The following TENM4 variants were observed in gnomAD, a reference collection of about 807,000 sequenced individuals.
TENM4 encodes the protein teneurin transmembrane protein 4.
In TENM4, 82 loss-of-function variants were observed where a neutral mutation model predicts 243.3. The observed-to-expected ratio is 0.34, with a 90% CI of 0.28 to 0.40. The LOEUF is 0.40. Ranked by LOEUF, TENM4 falls within the 10% of genes least tolerant of loss-of-function variation. The pLI is 1.00. For synonymous variants in TENM4, 1,412 were observed against 1,456.3 expected (o/e 0.97, Z 0.69); for missense variants, 3,138 against 3,673.3 (o/e 0.85, Z 3.77).
chr11:79,424,400 G>A (rs1286256044), intron 1 of TENM4, among the ~76,000 whole-genome samples: 1 of 152,114 alleles, frequency 6.6e-6, no homozygotes, highest in African/African-American at 2.4e-5. Flanking sequence ...TCATGAGTTC[G>A]AGACCAGCCT....
intron 12 of TENM4, among the ~76,000 whole-genome samples, chr11:78,839,687 A>G (rs1858206239): frequency 1.3e-5 from 2 of 152,190 alleles, no homozygotes; most frequent in Admixed American, 1.3e-4. Flanking sequence ...TTATTTTATT[A>G]GTGATTTTAA....
chr11:78,855,675 T>C (rs749877347), intron 11 of TENM4, among the ~76,000 whole-genome samples: 5 of 152,218 alleles, frequency 3.3e-5, no homozygotes, highest in Non-Finnish European at 4.4e-5. Flanking sequence ...CTAAACTGCA[T>C]GCTTTTTTCT....
At chr11:78,707,258 T>G (rs1344977194) in intron 27 of TENM4, among the ~76,000 whole-genome samples, 1 of 152,222 alleles carries the variant, frequency 6.6e-6, no homozygotes, top group Non-Finnish European at 1.5e-5. Flanking sequence ...TTGGTAATGT[T>G]GGCAAGATTC....
chr11:78,854,390 G>A, intron 11 of TENM4, 76 bp from the exon 12 acceptor site: 1 of 1,344,718 alleles, frequency 7.4e-7, no homozygotes, highest in Non-Finnish European at 9.8e-7. Context: ...GGCTTCTCCT[G>A]GAGAGGACAT....
intron 1 of TENM4, among the ~76,000 whole-genome samples, chr11:79,382,417 T>C (rs576879165): frequency 1.3e-5 from 2 of 152,320 alleles, no homozygotes; most frequent in African/African-American, 4.8e-5. Context: ...CTCCTACTTA[T>C]GTACATGCCA....
intron 5 of TENM4, chr11:79,068,003 G>A (rs1046569030): frequency 6.6e-6 from 1 of 152,222 alleles, no homozygotes; most frequent in Non-Finnish European, 1.5e-5. Context: ...CCTATGAGAT[G>A]AGAATGCTTA....
chr11:79,214,964 T>G (rs896212985), intron 3 of TENM4, among the ~76,000 whole-genome samples: 1 of 152,236 alleles, frequency 6.6e-6, no homozygotes, highest in Non-Finnish European at 1.5e-5. Flanking sequence ...TGGAGTTAAT[T>G]TATTACTGCA....
chr11:79,022,286 T>C (rs983683276), intron 6 of TENM4, among the ~76,000 whole-genome samples: 2 of 152,182 alleles, frequency 1.3e-5, no homozygotes, highest in Admixed American at 1.3e-4. Context: ...AGAGGCCCAA[T>C]AGTCGACACA....
At chr11:78,886,903 C>T (rs1855559428) in intron 9 of TENM4, among the ~76,000 whole-genome samples, 2 of 152,352 alleles carry the variant, frequency 1.3e-5, no homozygotes, top group East Asian at 1.9e-4. Context: ...AATTGACCTT[C>T]CATCCACCTC....
At chr11:79,134,919 T>C (rs1281790054) in intron 4 of TENM4, among the ~76,000 whole-genome samples, 2 of 152,216 alleles carry the variant, frequency 1.3e-5, no homozygotes, top group East Asian at 1.9e-4. Flanking sequence ...AAAACCCTTC[T>C]AGAAATTGGC....
At chr11:79,151,039 T>C (rs1460127062) in intron 3 of TENM4, among the ~76,000 whole-genome samples, 6 of 152,156 alleles carry the variant, frequency 3.9e-5, no homozygotes, top group Admixed American at 6.6e-5. Context: ...CCGCAGTCCA[T>C]CCAATCATAG....
intron 4 of TENM4, among the ~76,000 whole-genome samples, chr11:79,117,705 G>A (rs564995180): frequency 6.6e-6 from 1 of 152,336 alleles, no homozygotes; most frequent in Admixed American, 6.5e-5. Context: ...CTGCTTGACA[G>A]GGTGTGGTAA....
chr11:79,389,323 T>C (rs1858181876), intron 1 of TENM4, among the ~76,000 whole-genome samples: 1 of 152,210 alleles, frequency 6.6e-6, no homozygotes, highest in African/African-American at 2.4e-5. Flanking sequence ...GCTTGACTAA[T>C]TTTTAATTTT....
intron 6 of TENM4, among the ~76,000 whole-genome samples, chr11:78,916,638 C>A (rs1856323516): frequency 6.6e-6 from 1 of 152,090 alleles, no homozygotes; most frequent in Non-Finnish European, 1.5e-5. Flanking sequence ...ATGATCAGGG[C>A]TTTTACAAAG....
rs1310169661 is a variant in TENM4, at chr11:79,213,298, C to T, written c.-163+2510G>A. On this transcript the variant is annotated intron_variant, in intron 3 of 33. Coordinates refer to ENST00000278550, the MANE Select transcript of TENM4 (RefSeq NM_001098816.3). ...TCCCATTTTGAATCTTTACAAAGTG[C>T]CTGCCATGTGCCAGGCATCTTTCCT... 2.0e-5 allele frequency among the ~76,000 whole-genome samples: 3 copies of T among 152,296 alleles called. No homozygotes were observed. The East Asian group carries it at 5.8e-4, about 29-fold the overall frequency.
chr11:78,800,031 A>G (rs965978297), intron 15 of TENM4, among the ~76,000 whole-genome samples: 3 of 152,200 alleles, frequency 2.0e-5, no homozygotes, highest in African/African-American at 7.2e-5. Flanking sequence ...AGTCTAAGGG[A>G]TGGCTTTTGA....
Position 78,688,076 on chromosome 11 carries a change from G to A in TENM4, c.5238C>T (p.Gly1746=), listed in dbSNP as rs1792148. 178,610 of 1,613,564 alleles carry A rather than the reference G, an allele frequency of 0.11. 11,750 individuals carry two copies. Among genetic ancestry groups the A allele is most frequent in the African/African-American group, 0.29 (21,346 of 74,886 alleles). ...VTITTNLSAS[G]AFYTLLQDQV... ...TACCTTGCAGCAGTGTGTAGAAGGCGCCTGAGGCAGACAGGTTGGTGGTTA... is the reference window on the plus strand; with the variant it reads ...TACCTTGCAGCAGTGTGTAGAAGGCACCTGAGGCAGACAGGTTGGTGGTTA... Residue 1746 remains glycine, a synonymous_variant, in exon 29 of 34, where the codon GGC becomes GGT. Transcript: ENST00000278550.
intron 2 of TENM4, among the ~76,000 whole-genome samples, chr11:79,260,881 C>T (rs967072621): frequency 2.0e-5 from 3 of 152,190 alleles, no homozygotes; most frequent in Non-Finnish European, 4.4e-5. Flanking sequence ...ACTTCATTCC[C>T]CTCTCTTACA....
intron 6 of TENM4, among the ~76,000 whole-genome samples, chr11:78,965,448 G>T (rs753493262): frequency 6.6e-6 from 1 of 152,040 alleles, no homozygotes; most frequent in African/African-American, 2.4e-5. Context: ...ATCTTCAATC[G>T]GAGCTTCTAA....
Sources: gnomAD v4.1 joint callset for allele counts (sites outside exome capture counted in the v4.1 genomes callset) on GRCh38, gnomAD v4.1.1 for gene constraint, MANE v1.5 for transcripts, NCBI Gene and HGNC (gene_info 2026-07-23, HGNC 2026-07-21) for gene names.